Variants in FARS2 observed in about 807,000 individuals in gnomAD.
FARS2 encodes the protein phenylalanyl-tRNA synthetase 2, mitochondrial.
Under a neutral mutation model 46.4 loss-of-function variants are expected in FARS2, and 40 were observed. That is an observed-to-expected ratio of 0.86 (90% CI 0.67 to 1.12). The LOEUF is 1.12. Among genes scored for constraint, FARS2 ranks in the 50% most tolerant of loss-of-function variants. The pLI is 0.00. For synonymous variants in FARS2, 234 were observed against 214.9 expected (o/e 1.09, Z -0.78); for missense variants, 513 against 567.9 (o/e 0.90, Z 0.98).
chr6:5,390,257 C>T (rs1562005424), intron 2 of FARS2, among the ~76,000 whole-genome samples: 1 of 152,178 alleles, frequency 6.6e-6, no homozygotes, highest in Non-Finnish European at 1.5e-5. Flanking sequence ...GAGGTAAGGC[C>T]AGTTTCCAAG....
intron 6 of FARS2, among the ~76,000 whole-genome samples, chr6:5,671,850 C>T (rs932442161): frequency 1.3e-5 from 2 of 152,196 alleles, no homozygotes; most frequent in African/African-American, 4.8e-5. Flanking sequence ...TGAGCCATCG[C>T]TTGTGTCTAA....
intron 6 of FARS2, among the ~76,000 whole-genome samples, chr6:5,715,298 C>CCCCT (rs1233955490): frequency 2.0e-5 from 3 of 152,178 alleles, no homozygotes; most frequent in Middle Eastern, 3.2e-3. Flanking sequence ...TTCACCTGTA[C>CCCCT]CCCTGCCCAC....
intron 6 of FARS2, among the ~76,000 whole-genome samples, chr6:5,758,351 G>A (rs368179372): frequency 1.5e-4 from 23 of 152,102 alleles, no homozygotes; most frequent in African/African-American, 4.8e-4. Flanking sequence ...AAATGTTGCC[G>A]GGCCATTTGC....
chr6:5,370,268 C>T (rs879792700), intron 2 of FARS2, among the ~76,000 whole-genome samples: 1 of 151,988 alleles, frequency 6.6e-6, no homozygotes, highest in Non-Finnish European at 1.5e-5. Context: ...TTTCTGTTTA[C>T]CTCTGGATGT....
At chr6:5,452,232 A>G (rs1764538514) in intron 4 of FARS2, 1 of 150,488 alleles carries the variant, frequency 6.6e-6, no homozygotes, top group Admixed American at 6.6e-5. Context: ...GCACAGTACT[A>G]GGAGTTGAGA....
intron 6 of FARS2, among the ~76,000 whole-genome samples, chr6:5,628,991 C>T (rs1776164877): frequency 6.6e-6 from 1 of 152,220 alleles, no homozygotes; most frequent in Non-Finnish European, 1.5e-5. Flanking sequence ...TGGAGCACCA[C>T]AGGGTTGAGG....
At chr6:5,438,246 G>A (rs113320571) in intron 4 of FARS2, among the ~76,000 whole-genome samples, 1 of 35,762 alleles carries the variant, frequency 2.8e-5, no homozygotes, top group African/African-American at 8.5e-5. Flanking sequence ...CCCACCCCCC[G>A]CCCCCCCCCC....
chr6:5,646,527 AAAGAATGCCTAGTAGGGTGT>A lies in FARS2; in HGVS notation c.1217+33208_1217+33227del, dbSNP rs1561774911. ...CTCTTGAAAAGAGGAGGGGTTTTTA[AAAGAATGCCTAGTAGGGTGT>A]GGATTATGAATCTGTTCGCTATAAC... On this transcript the variant is annotated intron_variant, in intron 6 of 6. Coordinates refer to ENST00000274680, the MANE Select transcript of FARS2 (RefSeq NM_006567.5). Among the ~76,000 whole-genome samples, 7 of 152,236 alleles carry A rather than the reference AAAGAATGCCTAGTAGGGTGT, an allele frequency of 4.6e-5. No individual in the cohort carries two copies. The South Asian group carries it at 1.5e-3, about 32-fold the overall frequency.
intron 3 of FARS2, among the ~76,000 whole-genome samples, chr6:5,425,925 G>A (rs1374394719): frequency 6.6e-6 from 1 of 152,182 alleles, no homozygotes; most frequent in Non-Finnish European, 1.5e-5. Context: ...ATTATCCACG[G>A]TGTAGAGAAG....
At chr6:5,462,525 T>C (rs928772523) in intron 4 of FARS2, among the ~76,000 whole-genome samples, 1 of 152,238 alleles carries the variant, frequency 6.6e-6, no homozygotes, top group Non-Finnish European at 1.5e-5. Flanking sequence ...ATCTCCTGCA[T>C]TGTGCTATAT....
At chr6:5,589,653 C>A (rs773887051) in intron 5 of FARS2, among the ~76,000 whole-genome samples, 10 of 152,168 alleles carry the variant, frequency 6.6e-5, no homozygotes, top group Non-Finnish European at 1.5e-4. Flanking sequence ...TTGCAACCTG[C>A]CATATCTGGG....
intron 6 of FARS2, among the ~76,000 whole-genome samples, chr6:5,751,057 T>C (rs537807661): frequency 1.7e-3 from 253 of 152,266 alleles, no homozygotes; most frequent in African/African-American, 5.7e-3. Context: ...CACCATATAC[T>C]GTTCAATGTT....
intron 4 of FARS2, among the ~76,000 whole-genome samples, chr6:5,506,498 T>C (rs548588006): frequency 2.6e-5 from 4 of 152,298 alleles, no homozygotes; most frequent in African/African-American, 9.6e-5. Context: ...CACCGAATTG[T>C]CTTCTGTTTA....
chr6:5,655,944 A>C (rs1272113774), intron 6 of FARS2, among the ~76,000 whole-genome samples: 1 of 152,246 alleles, frequency 6.6e-6, no homozygotes, highest in Non-Finnish European at 1.5e-5. Context: ...AAATGTTAGA[A>C]AATTTCTCTC....
At chr6:5,378,244 GAACCACTGTCCTCA>G (rs757185163) in intron 2 of FARS2, among the ~76,000 whole-genome samples, 88 of 152,172 alleles carry the variant, frequency 5.8e-4, no homozygotes, top group Middle Eastern at 6.8e-3. Context: ...ACACGTTTGA[GAACCACTGTCCTCA>G]AACCACTGTC....
intron 4 of FARS2, among the ~76,000 whole-genome samples, chr6:5,511,905 A>G (rs1454072581): frequency 6.6e-6 from 1 of 152,226 alleles, no homozygotes; most frequent in African/African-American, 2.4e-5. Context: ...TTCCATGTGT[A>G]CACATTCATT....
intron 4 of FARS2, among the ~76,000 whole-genome samples, chr6:5,519,112 T>A (rs1768980078): frequency 6.6e-6 from 1 of 151,998 alleles, no homozygotes; most frequent in Non-Finnish European, 1.5e-5. Context: ...GGTTGGAAAA[T>A]TTTCCCAAAA....
intron 5 of FARS2, chr6:5,609,706 C>G: frequency 5.6e-6 from 8 of 1,428,014 alleles, no homozygotes; most frequent in Non-Finnish European, 5.8e-6. Flanking sequence ...GAATGACAGT[C>G]TTATCCACGG....
At chr6:5,586,371 G>A (rs1288909095) in intron 5 of FARS2, among the ~76,000 whole-genome samples, 1 of 151,966 alleles carries the variant, frequency 6.6e-6, no homozygotes, top group Non-Finnish European at 1.5e-5. Context: ...GGTTTTTATT[G>A]TGTCTAATTT....
Sources: gnomAD v4.1 joint callset for allele counts (sites outside exome capture counted in the v4.1 genomes callset) on GRCh38, gnomAD v4.1.1 for gene constraint, MANE v1.5 for transcripts, NCBI Gene and HGNC (gene_info 2026-07-23, HGNC 2026-07-21) for gene names.